The following TARS3 variants were observed in gnomAD, a reference collection of about 807,000 sequenced individuals.
The protein encoded by TARS3 is threonine--tRNA ligase 2, cytoplasmic.
Under a neutral mutation model 103.5 loss-of-function variants are expected in TARS3, and 94 were observed. The observed-to-expected ratio is 0.91, with a 90% CI of 0.77 to 1.08. The LOEUF is 1.08. TARS3 is among the 50% of genes least tolerant of loss of function. The pLI, the probability that TARS3 is intolerant of heterozygous loss-of-function variation, is 0.00. For missense variants in TARS3, 952 were observed against 995.2 expected, an observed-to-expected ratio of 0.96 and a Z score of 0.58; for synonymous variants, 416 against 355.4, an observed-to-expected ratio of 1.17 and a Z score of -1.92.
intron 13 of TARS3, among the ~76,000 whole-genome samples, chr15:101,673,329 C>A (rs1725474148): frequency 6.6e-6 from 1 of 152,228 alleles, no homozygotes. Flanking sequence ...CAGCTCCCCA[C>A]ACCCCACCAA....
chr15:101,705,504 C>T (rs971812962), intron 7 of TARS3, among the ~76,000 whole-genome samples, 179 bp downstream of exon 7: 7 of 152,274 alleles, frequency 4.6e-5, no homozygotes, highest in Admixed American at 1.3e-4. Flanking sequence ...GTCCTGATTA[C>T]TAAAAAGGGG....
rs369585490 is a variant in TARS3 at position 101,654,773 on chromosome 15, T to C, written c.2261-43A>G. ...AAAGAAATGTATTTTAAATCAGCAA[T>C]TTACCAAACATTAAGTCAGCAGTCC... is the stretch of plus-strand genomic sequence containing the variant. On this transcript the variant is annotated intron_variant, in intron 18 of 18. Transcript: ENST00000335968. 13 of 1,584,482 alleles carry C rather than the reference T, an allele frequency of 8.2e-6. No individual in the cohort carries two copies. The African/African-American group carries it at 1.4e-4, about 17-fold the overall frequency.
intron 10 of TARS3, among the ~76,000 whole-genome samples, chr15:101,689,231 G>C (rs1898603628): frequency 6.6e-6 from 1 of 151,434 alleles, no homozygotes; most frequent in Non-Finnish European, 1.5e-5. Flanking sequence ...GACTGTGTCT[G>C]GAATTCAGTG....
At chr15:101,693,806 T>C (rs1459783438) in intron 10 of TARS3, among the ~76,000 whole-genome samples, 1 of 152,164 alleles carries the variant, frequency 6.6e-6, no homozygotes, top group African/African-American at 2.4e-5. Context: ...CTAAAGGTTT[T>C]ATAAAAGTAT....
rs1358029525 is a variant in TARS3 at position 101,684,166 on chromosome 15, T to G, written c.1559A>C (p.His520Pro). Reference sequence around the variant, plus strand: ...GAGAGTCCCCGACAGTTCATTTCTATGCAGAACTCCAAAATCAGCAAATCT... The same window carrying G: ...GAGAGTCCCCGACAGTTCATTTCTAGGCAGAACTCCAAAATCAGCAAATCT... ...PIRFADFGVL[H>P]RNELSGTLSG... is the part of the protein sequence containing the mutation. The change falls in exon 12 of 19, where the codon CAT becomes CCT. Residue 520 changes from histidine (H) to proline (P), a missense_variant. Around this residue, in one of 2 missense-constraint regions of TARS3, gnomAD observed 540 missense variants for 631.0 expected, o/e 0.86. Coordinates refer to ENST00000335968, the MANE Select transcript of TARS3 (RefSeq NM_152334.3). The G allele has an allele frequency of 7.4e-6, 12 of 1,613,990 alleles. No individual in the cohort carries two copies.
At chr15:101,695,130 C>A in intron 10 of TARS3, among the ~76,000 whole-genome samples, 1 of 152,222 alleles carries the variant, frequency 6.6e-6, no homozygotes, top group Non-Finnish European at 1.5e-5. Flanking sequence ...AAAATTTACA[C>A]GCCATAAAAT....
intron 15 of TARS3, among the ~76,000 whole-genome samples, chr15:101,668,262 C>A (rs1359218048): frequency 6.6e-6 from 1 of 152,088 alleles, no homozygotes; most frequent in Non-Finnish European, 1.5e-5. Flanking sequence ...CTTCTTTAAA[C>A]ATGAATATTT....
rs760160107 is a variant in TARS3, at chr15:101,703,848, T to TG, written c.1074+10_1074+11insC. Reference sequence around the variant, plus strand: ...TTAAGTTTACTGTATTAAAAAAAAATCAATCCTTACCTTAAAAATTTTGAT... The same window carrying TG: ...TTAAGTTTACTGTATTAAAAAAAAATGCAATCCTTACCTTAAAAATTTTGAT... On this transcript the variant is annotated intron_variant, in intron 8 of 18. Transcript: ENST00000335968. 4.3e-5 allele frequency: 68 copies of TG among 1,593,848 alleles called. No individual in the cohort carries two copies. Among genetic ancestry groups the TG allele is most frequent in the Non-Finnish European group, 5.8e-5 (68 of 1,162,994 alleles).
At chr15:101,711,029 T>C (rs1171104052) in intron 5 of TARS3, among the ~76,000 whole-genome samples, 1 of 152,176 alleles carries the variant, frequency 6.6e-6, no homozygotes, top group Admixed American at 6.5e-5. Flanking sequence ...CATAGGCCTA[T>C]GGAATGTGAA....
chr15:101,687,550 T>A (rs954062307), intron 10 of TARS3, among the ~76,000 whole-genome samples: 1 of 152,312 alleles, frequency 6.6e-6, no homozygotes, highest in Non-Finnish European at 1.5e-5. Context: ...AGGGTGTGCG[T>A]GTTCGCTTTT....
In TARS3 at chr15:101,655,712, G is replaced by A. The variant is rs530581458; in HGVS notation, c.2261-982C>T. Among the ~76,000 whole-genome samples the A allele has an allele frequency of 1.6e-3, 234 of 150,894 alleles. 1 individual carries two copies. The highest frequency in any genetic ancestry group is 5.4e-3 in the African/African-American group (221 of 40,934). ...CTGGCACTAGGGTGCAAATGAGAGC[G>A]GGGAGCTCTTACAGGCTCACACTGA... On this transcript the variant is annotated intron_variant, in intron 18 of 18. Transcript: ENST00000335968.
At chr15:101,670,401 A>G (rs753205851) in intron 15 of TARS3, among the ~76,000 whole-genome samples, 8 of 152,242 alleles carry the variant, frequency 5.3e-5, no homozygotes, top group Admixed American at 6.5e-5. Context: ...ATGAATAGCA[A>G]GTAAGCACAT....
intron 10 of TARS3, among the ~76,000 whole-genome samples, chr15:101,700,207 T>C (rs925226492): frequency 6.6e-6 from 1 of 152,202 alleles, no homozygotes; most frequent in African/African-American, 2.4e-5. Flanking sequence ...AGCATGGAAA[T>C]GTAATCCCAG....
intron 3 of TARS3, among the ~76,000 whole-genome samples, chr15:101,719,701 G>A (rs755964259): frequency 3.9e-5 from 6 of 152,210 alleles, no homozygotes; most frequent in Non-Finnish European, 8.8e-5. Context: ...CCTCCTGACT[G>A]CAGGCAGGCC....
Position 101,724,126 on chromosome 15 carries a change from C to T in TARS3, c.262G>A (p.Ala88Thr). 1.4e-6 allele frequency: 2 copies of T among 1,416,932 alleles called. No individual in the cohort carries two copies. The highest frequency in any genetic ancestry group is 1.5e-5 in the African/African-American group (1 of 67,198). The allele number at this position is 1,416,932 out of a possible 1,614,324, so 87.8% of individuals were successfully genotyped here. A position where few individuals can be genotyped will look rare whatever the true frequency, so the allele number is the denominator to read the frequency against. Residue 88 changes from alanine to threonine, a missense_variant, in exon 1 of 19, where the codon GCG becomes ACG. By Grantham distance (58) the Ala-to-Thr change is moderately conservative. Transcript: ENST00000335968. ...ERSRQATLESAELEAAQEAGA... is the reference protein window; with the variant it reads ...ERSRQATLESTELEAAQEAGA... ...GCCTCCTGCGCCGCCTCTAGCTCCG[C>T]GCTCTCCAGCGTGGCCTGGCGGCTC... is the stretch of plus-strand genomic sequence containing the variant.
intron 4 of TARS3, among the ~76,000 whole-genome samples, chr15:101,713,510 G>A (rs1899968392): frequency 7.0e-6 from 1 of 142,230 alleles, no homozygotes; most frequent in Non-Finnish European, 1.6e-5. Flanking sequence ...TCTATAACAA[G>A]GTGAGTGCGG....
intron 10 of TARS3, 35 bp downstream of exon 10, chr15:101,701,051 T>C: frequency 3.0e-6 from 4 of 1,333,706 alleles, no homozygotes; most frequent in South Asian, 1.4e-5. Flanking sequence ...TAAACTGGAA[T>C]TGAATAAGAA....
At chr15:101,669,941 G>A (rs1002792215) in intron 15 of TARS3, among the ~76,000 whole-genome samples, 4 of 152,240 alleles carry the variant, frequency 2.6e-5, no homozygotes, top group African/African-American at 9.6e-5. Flanking sequence ...ATAGTGGCCT[G>A]TTCTTACATC....
chr15:101,688,565 A>G (rs1898573229), intron 10 of TARS3, among the ~76,000 whole-genome samples: 3 of 152,212 alleles, frequency 2.0e-5, no homozygotes, highest in Admixed American at 2.0e-4. Context: ...TCAGTGTCAT[A>G]AATTTGTTTT....
Sources: allele counts gnomAD v4.1 joint callset (sites outside exome capture counted in the v4.1 genomes callset), GRCh38; gene constraint gnomAD v4.1.1; regional missense constraint gnomAD v4.1.1; transcripts MANE v1.5; gene names NCBI Gene and HGNC (gene_info 2026-07-23, HGNC 2026-07-21).